Variants in MKLN1 observed in about 807,000 individuals in gnomAD.
The protein encoded by MKLN1 is muskelin 1, also known as muskelin.
MKLN1 carries 18 observed loss-of-function variants against 99.0 expected under a neutral mutation model. The ratio of observed to expected loss-of-function variants is 0.18; its 90% CI spans 0.13 to 0.27. The LOEUF is 0.27. Ranked by LOEUF, MKLN1 falls within the 10% of genes least tolerant of loss-of-function variation. The probability of loss-of-function intolerance (pLI) is 1.00; values close to 1 mark genes in which losing one functional copy is unlikely to be tolerated. For missense variants in MKLN1, 621 were observed against 875.9 expected (o/e 0.71, Z 3.67); for synonymous variants, 288 against 293.2 (o/e 0.98, Z 0.18).
chr7:131,205,872 C>G (rs1027780862), intron 3 of MKLN1, among the ~76,000 whole-genome samples: 9 of 151,060 alleles, frequency 6.0e-5, no homozygotes, highest in Non-Finnish European at 5.9e-5. Context: ...CTTTCCTCTT[C>G]TGCTTCCAGC....
intron 3 of MKLN1, among the ~76,000 whole-genome samples, chr7:131,252,318 T>G (rs1797594141): frequency 7.4e-6 from 1 of 134,688 alleles, no homozygotes; most frequent in African/African-American, 2.6e-5. Flanking sequence ...GTGAAAGGAC[T>G]TTTTTCTTTT....
exon 3 of MKLN1, chr7:131,202,971 C>A (rs1262856835): frequency 6.6e-6 from 1 of 152,178 alleles, no homozygotes; most frequent in Non-Finnish European, 1.5e-5. Context: ...ACAGGATGAA[C>A]AAGGTAACTG....
intron 2 of MKLN1, among the ~76,000 whole-genome samples, chr7:131,161,608 G>A (rs1456630367): frequency 6.6e-6 from 1 of 152,164 alleles, no homozygotes; most frequent in African/African-American, 2.4e-5. Context: ...CTGGAGTGCA[G>A]TGGTGCGATC....
At chr7:131,127,690 A>C (rs1409257121) in intron 1 of MKLN1, among the ~76,000 whole-genome samples, 1 of 152,176 alleles carries the variant, frequency 6.6e-6, no homozygotes, top group Non-Finnish European at 1.5e-5. Flanking sequence ...CTGTGCCTGG[A>C]GCATAGTATG....
chr7:131,439,259 C>T lies in MKLN1; in HGVS notation c.1173+1262C>T, dbSNP rs568703478. Among the ~76,000 whole-genome samples, 5 of 151,278 alleles carry T rather than the reference C, an allele frequency of 3.3e-5. No homozygotes were observed. The East Asian group carries it at 7.7e-4, about 23-fold the overall frequency. On this transcript the variant is annotated intron_variant, in intron 10 of 17. Transcript: ENST00000352689. ...TTATTCTCTTGTTCCCAAATGGTTA[C>T]GTATTTCTTTTACAAAAGATGCTGA... is the stretch of plus-strand genomic sequence containing the variant.
At chr7:131,371,489 A>G (rs1359359026) in intron 1 of MKLN1, among the ~76,000 whole-genome samples, 1 of 152,154 alleles carries the variant, frequency 6.6e-6, no homozygotes, top group African/African-American at 2.4e-5. Context: ...TCTGAAGAGT[A>G]TATTTTATTC....
At chr7:131,127,165 CA>C (rs59463348) in intron 1 of MKLN1, among the ~76,000 whole-genome samples, 22,114 of 98,526 alleles carry the variant, frequency 0.22, 2,247 homozygotes, top group East Asian at 0.43. Flanking sequence ...AACTCCATCT[CA>C]AAAAAAAAAA....
In MKLN1 at chr7:131,437,911, C is replaced by T. The variant is rs762532895; in HGVS notation, c.1087C>T (p.Arg363Cys). 36 of 1,613,666 alleles carry T rather than the reference C, an allele frequency of 2.2e-5. No homozygotes were observed. The highest frequency in any genetic ancestry group is 4.0e-5 in the African/African-American group (3 of 74,860). Reference sequence around the variant, plus strand: ...CAAATCTCTGAAAAGTGACTTCTATCGTTATGACATTGATACAAACACATG... The same window carrying T: ...CAAATCTCTGAAAAGTGACTTCTATTGTTATGACATTGATACAAACACATG... ...NSKSLKSDFYRYDIDTNTWML... is the reference protein window; with the variant it reads ...NSKSLKSDFYCYDIDTNTWML... The change falls in exon 10 of 18, where the codon CGT becomes TGT. Residue 363 changes from arginine (R) to cysteine (C), a missense_variant. Physicochemically the swap from Arg to Cys is radical, Grantham distance 180. Coordinates refer to ENST00000352689, the MANE Select transcript of MKLN1 (RefSeq NM_013255.5).
chr7:131,119,217 T>G (rs1451916051), intron 1 of MKLN1, among the ~76,000 whole-genome samples: 1 of 152,234 alleles, frequency 6.6e-6, no homozygotes, highest in Non-Finnish European at 1.5e-5. Context: ...ATAGGCCCCA[T>G]GCAAGTCCAG....
At chr7:131,252,486 A>C (rs1051371533) in intron 3 of MKLN1, among the ~76,000 whole-genome samples, 12 of 151,732 alleles carry the variant, frequency 7.9e-5, no homozygotes, top group Admixed American at 5.9e-4. Flanking sequence ...ATGCCACCAT[A>C]CACGGCTAAT....
intron 1 of MKLN1, among the ~76,000 whole-genome samples, chr7:131,362,747 A>T (rs993436863): frequency 4.0e-5 from 6 of 151,866 alleles, no homozygotes; most frequent in African/African-American, 1.4e-4. Flanking sequence ...GAACTTTTAA[A>T]ATTTAGTCTG....
At chr7:131,120,548 C>A (rs866721116) in intron 1 of MKLN1, among the ~76,000 whole-genome samples, 244 of 98,132 alleles carry the variant, frequency 2.5e-3, no homozygotes, top group East Asian at 3.4e-3. Context: ...GACTCCCTCT[C>A]AAAAAAAAAA....
In MKLN1 at chr7:131,405,000, GT is replaced by G. The variant is rs370617804; in HGVS notation, c.703+5573del. 3.5e-3 allele frequency among the ~76,000 whole-genome samples: 532 copies of G among 152,194 alleles called. 2 individuals carry two copies. The highest frequency in any genetic ancestry group is 0.012 in the African/African-American group (506 of 41,532). ...TGCTTGAAATTTGGTGGGTGGGAGT[GT>G]TTTTTACCTATCAGTTTAATTTCTT... On this transcript the variant is annotated intron_variant, in intron 6 of 17. Coordinates refer to ENST00000352689, the MANE Select transcript of MKLN1 (RefSeq NM_013255.5).
intron 3 of MKLN1, among the ~76,000 whole-genome samples, chr7:131,283,285 A>C: frequency 6.6e-6 from 1 of 151,466 alleles, no homozygotes; most frequent in African/African-American, 2.4e-5. Flanking sequence ...AAAACCTTCT[A>C]GTTACAAGAG....
At chr7:131,335,676 C>T (rs1338557396) in intron 1 of MKLN1, among the ~76,000 whole-genome samples, 2 of 145,500 alleles carry the variant, frequency 1.4e-5, no homozygotes, top group African/African-American at 5.1e-5. Flanking sequence ...TTTATTTTGG[C>T]TTATTCTTTG....
intron 2 of MKLN1, among the ~76,000 whole-genome samples, chr7:131,161,945 ATATAC>A (rs1563236103): frequency 0.019 from 2,308 of 122,434 alleles, 75 homozygotes; most frequent in African/African-American, 0.067. Context: ...ATACACATAT[ATATAC>A]GTGTGTGTGT....
chr7:131,145,863 G>C (rs1795808600), intron 2 of MKLN1, among the ~76,000 whole-genome samples: 1 of 152,226 alleles, frequency 6.6e-6, no homozygotes, highest in African/African-American at 2.4e-5. Context: ...CCTGACCCTG[G>C]TGCCCGGAAG....
intron 9 of MKLN1, among the ~76,000 whole-genome samples, chr7:131,431,379 C>A (rs1272224216): frequency 1.3e-5 from 2 of 152,170 alleles, no homozygotes; most frequent in African/African-American, 4.8e-5. Context: ...ACTTCAGTGG[C>A]ATATAGTAAT....
At chr7:131,343,176 T>G (rs1266382586) in intron 1 of MKLN1, among the ~76,000 whole-genome samples, 1 of 152,240 alleles carries the variant, frequency 6.6e-6, no homozygotes, top group Admixed American at 6.5e-5. Context: ...TTTGCCATTT[T>G]TTTGCATTTC....
Sources: gnomAD v4.1 joint callset for allele counts (sites outside exome capture counted in the v4.1 genomes callset) on GRCh38, gnomAD v4.1.1 for gene constraint, MANE v1.5 for transcripts, NCBI Gene and HGNC (gene_info 2026-07-23, HGNC 2026-07-21) for gene names.